Variants in NELL1 observed in about 807,000 individuals in gnomAD.
NELL1 encodes the protein neural EGFL like 1.
A neutral mutation model predicts 107.4 loss-of-function variants in NELL1; 76 were observed. The ratio of observed to expected loss-of-function variants is 0.71; its 90% CI spans 0.59 to 0.86. The LOEUF (loss-of-function observed/expected upper bound fraction) is 0.86. NELL1 is among the 40% of genes least tolerant of loss of function. The probability of loss-of-function intolerance (pLI) is 0.00; values close to 1 mark genes in which losing one functional copy is unlikely to be tolerated. For synonymous variants in NELL1, 353 were observed against 341.2 expected, an observed-to-expected ratio of 1.03 and a Z score of -0.38; for missense variants, 1,024 against 1,005.5, an observed-to-expected ratio of 1.02 and a Z score of -0.25.
At chr11:20,896,869 C>A (rs1033094323) in intron 5 of NELL1, among the ~76,000 whole-genome samples, 8 of 151,944 alleles carry the variant, frequency 5.3e-5, no homozygotes, top group African/African-American at 1.9e-4. Context: ...TGTGAAGGAC[C>A]TCTTCAAGGA....
At chr11:20,947,034 C>A (rs923698508) in intron 10 of NELL1, among the ~76,000 whole-genome samples, 5 of 152,088 alleles carry the variant, frequency 3.3e-5, no homozygotes, top group Non-Finnish European at 7.4e-5. Flanking sequence ...TAGGCCCCAC[C>A]GGACCAAGAG....
chr11:20,810,345 A>G (rs978276635), intron 3 of NELL1, among the ~76,000 whole-genome samples: 1 of 152,102 alleles, frequency 6.6e-6, no homozygotes, highest in South Asian at 2.1e-4. Flanking sequence ...ACTGCACCAT[A>G]TTTGCTGTCT....
At chr11:20,936,462 A>G (rs959593397) in intron 9 of NELL1, among the ~76,000 whole-genome samples, 1 of 152,150 alleles carries the variant, frequency 6.6e-6, no homozygotes, top group African/African-American at 2.4e-5. Context: ...TGTGGCTAAA[A>G]TGGACTAGAT....
intron 13 of NELL1, among the ~76,000 whole-genome samples, chr11:21,227,900 A>T (rs970981245): frequency 6.6e-6 from 1 of 152,190 alleles, no homozygotes; most frequent in Admixed American, 6.5e-5. Context: ...GTAGGATTTA[A>T]CCTTTCTCAT....
chr11:20,720,885 T>C (rs191897511), intron 2 of NELL1, among the ~76,000 whole-genome samples: 249 of 152,246 alleles, frequency 1.6e-3, no homozygotes, highest in African/African-American at 5.2e-3. Flanking sequence ...TTCTGAGGAA[T>C]TGGAGATTAG....
intron 10 of NELL1, among the ~76,000 whole-genome samples, chr11:20,946,302 T>C (rs962120399): frequency 1.3e-5 from 2 of 152,134 alleles, no homozygotes; most frequent in African/African-American, 4.8e-5. Flanking sequence ...TTGAGCTTGC[T>C]TCCTGGTTGA....
chr11:20,985,060 C>T (rs368153954), intron 12 of NELL1, among the ~76,000 whole-genome samples: 1 of 152,070 alleles, frequency 6.6e-6, no homozygotes, highest in Non-Finnish European at 1.5e-5. Flanking sequence ...ATGTGATTCA[C>T]CTGGTCAACT....
chr11:20,965,833 A>C (rs1229913220), intron 12 of NELL1, among the ~76,000 whole-genome samples: 1 of 152,154 alleles, frequency 6.6e-6, no homozygotes, highest in Non-Finnish European at 1.5e-5. Flanking sequence ...AGAATACCTA[A>C]GTGGGTAGAT....
At chr11:21,049,323 GC>G (rs1460365097) in intron 12 of NELL1, among the ~76,000 whole-genome samples, 1 of 152,170 alleles carries the variant, frequency 6.6e-6, no homozygotes, top group East Asian at 1.9e-4. Context: ...AGGCCATAAA[GC>G]CCCTGCAGTT....
intron 12 of NELL1, among the ~76,000 whole-genome samples, chr11:21,058,453 G>A: frequency 1.3e-5 from 2 of 152,078 alleles, no homozygotes; most frequent in East Asian, 1.9e-4. Flanking sequence ...GCTGTTATTA[G>A]TAAGCACACT....
At chr11:21,340,404 G>A (rs1850535277) in intron 14 of NELL1, among the ~76,000 whole-genome samples, 1 of 152,056 alleles carries the variant, frequency 6.6e-6, no homozygotes, top group Non-Finnish European at 1.5e-5. Flanking sequence ...CGCCTGCCTT[G>A]GCCTCCCAAA....
intron 15 of NELL1, among the ~76,000 whole-genome samples, chr11:21,510,064 T>C (rs74942136): frequency 0.016 from 2,399 of 152,314 alleles, 66 homozygotes; most frequent in African/African-American, 0.054. Flanking sequence ...GGCTAAGGCC[T>C]AATTAACATC....
At chr11:20,975,958 A>ACATATATGTACAT (rs1429301231) in intron 12 of NELL1, among the ~76,000 whole-genome samples, 2 of 102,668 alleles carry the variant, frequency 1.9e-5, no homozygotes, top group Admixed American at 2.2e-4. Flanking sequence ...TATGTACATT[A>ACATATATGTACAT]TATATACATT....
At chr11:20,746,892 C>T (rs1198851764) in intron 2 of NELL1, among the ~76,000 whole-genome samples, 4 of 152,166 alleles carry the variant, frequency 2.6e-5, no homozygotes, top group African/African-American at 7.2e-5. Flanking sequence ...GACTTTTGTG[C>T]CATTCCCATG....
intron 2 of NELL1, among the ~76,000 whole-genome samples, chr11:20,739,072 T>G (rs1855827612): frequency 6.6e-6 from 1 of 152,248 alleles, no homozygotes; most frequent in African/African-American, 2.4e-5. Context: ...AGGTCCTTAT[T>G]TGCACTAGCT....
intron 16 of NELL1, among the ~76,000 whole-genome samples, chr11:21,552,272 A>T (rs567665959): frequency 6.6e-6 from 1 of 151,860 alleles, no homozygotes; most frequent in Non-Finnish European, 1.5e-5. Flanking sequence ...ATGTACCCTA[A>T]AACTTAAAGT....
intron 7 of NELL1, among the ~76,000 whole-genome samples, chr11:20,920,877 C>T (rs954248851): frequency 6.6e-5 from 10 of 151,086 alleles, no homozygotes; most frequent in Non-Finnish European, 1.5e-4. Context: ...TGGGCAGTTG[C>T]AAACAGCAAA....
chr11:21,419,680 C>T (rs981061632), intron 15 of NELL1, among the ~76,000 whole-genome samples: 1 of 152,044 alleles, frequency 6.6e-6, no homozygotes, highest in Non-Finnish European at 1.5e-5. Context: ...TCTTTCCCAA[C>T]CATTTGAGAG....
intron 12 of NELL1, among the ~76,000 whole-genome samples, chr11:21,108,666 T>A (rs530567948): frequency 1.3e-5 from 2 of 152,286 alleles, no homozygotes; most frequent in African/African-American, 4.8e-5. Flanking sequence ...TCAAGCGTTA[T>A]GAGTAGACGC....
Sources: allele counts gnomAD v4.1 joint callset (sites outside exome capture counted in the v4.1 genomes callset), GRCh38; gene constraint gnomAD v4.1.1; transcripts MANE v1.5; gene names NCBI Gene and HGNC (gene_info 2026-07-23, HGNC 2026-07-21).